ZNF804B: variants seen among roughly 807,000 people sequenced by gnomAD.
ZNF804B encodes the protein zinc finger 804B.
In ZNF804B, 80 loss-of-function variants were observed where a neutral mutation model predicts 101.4. The ratio of observed to expected loss-of-function variants is 0.79; its 90% CI spans 0.66 to 0.95. The LOEUF (loss-of-function observed/expected upper bound fraction) is 0.95. ZNF804B is among the 40% of genes least tolerant of loss of function. ZNF804B has a pLI of 0.00. For missense variants in ZNF804B, 1,673 were observed against 1,561.9 expected, an observed-to-expected ratio of 1.07 and a Z score of -1.20; for synonymous variants, 622 against 558.8, an observed-to-expected ratio of 1.11 and a Z score of -1.59.
chr7:89,224,253 A>G (rs1317875507), intron 2 of ZNF804B, among the ~76,000 whole-genome samples: 1 of 151,910 alleles, frequency 6.6e-6, no homozygotes, highest in Non-Finnish European at 1.5e-5. Flanking sequence ...TCTAATCTCC[A>G]TTTGCTTCAC....
chr7:88,860,685 G>C (rs1791631862), intron 1 of ZNF804B, among the ~76,000 whole-genome samples: 1 of 152,118 alleles, frequency 6.6e-6, no homozygotes, highest in South Asian at 2.1e-4. Flanking sequence ...AAATGAGGCA[G>C]AGGAAGAAAA....
chr7:88,915,347 T>C (rs1264031463), intron 1 of ZNF804B, among the ~76,000 whole-genome samples: 5 of 152,026 alleles, frequency 3.3e-5, no homozygotes, highest in African/African-American at 7.2e-5. Flanking sequence ...ACAGAATCAG[T>C]GACATATTAA....
At chr7:88,854,406 T>TCTTTCTTCCTTTCTTTCTTTCTTC in intron 1 of ZNF804B, among the ~76,000 whole-genome samples, 1 of 126,746 alleles carries the variant, frequency 7.9e-6, no homozygotes, top group East Asian at 2.4e-4. Flanking sequence ...TTTCTTTCTT[T>TCTTTCTTCCTTTCTTTCTTTCTTC]CTTTCTTCCT....
chr7:89,068,753 T>A (rs1045326953), intron 1 of ZNF804B, among the ~76,000 whole-genome samples: 3 of 152,220 alleles, frequency 2.0e-5, no homozygotes, highest in African/African-American at 7.2e-5. Context: ...ATGAATAGAT[T>A]AATTTGAAAG....
intron 1 of ZNF804B, among the ~76,000 whole-genome samples, chr7:88,937,115 C>CAAAAAA (rs3034325): frequency 0.065 from 7,191 of 110,106 alleles, 299 homozygotes; most frequent in East Asian, 0.17. Context: ...ATGAGAATAG[C>CAAAAAA]AAAAAAAAAA....
At chr7:89,267,284 T>C (rs1357042120) in intron 2 of ZNF804B, among the ~76,000 whole-genome samples, 1 of 152,194 alleles carries the variant, frequency 6.6e-6, no homozygotes, top group Non-Finnish European at 1.5e-5. Flanking sequence ...TCCATTGTAA[T>C]TTCTCTGTTT....
chr7:88,967,778 G>A (rs1481944470), intron 1 of ZNF804B, among the ~76,000 whole-genome samples: 2 of 148,608 alleles, frequency 1.3e-5, no homozygotes, highest in East Asian at 2.0e-4. Context: ...ACTTTAACAC[G>A]AGAAAATTTA....
intron 1 of ZNF804B, among the ~76,000 whole-genome samples, chr7:88,809,339 CTATCTATCT>C (rs947926183): frequency 2.0e-5 from 3 of 147,590 alleles, no homozygotes; most frequent in African/African-American, 7.4e-5. Flanking sequence ...ATCTATCTAT[CTATCTATCT>C]ATCTATCTAC....
At chr7:89,189,530 A>G (rs932277008) in intron 1 of ZNF804B, among the ~76,000 whole-genome samples, 7 of 152,168 alleles carry the variant, frequency 4.6e-5, no homozygotes, top group African/African-American at 1.7e-4. Flanking sequence ...GCTGATACAA[A>G]GTTATTTTTT....
intron 2 of ZNF804B, among the ~76,000 whole-genome samples, chr7:89,298,999 A>G (rs1364597469): frequency 6.6e-6 from 1 of 151,988 alleles, no homozygotes; most frequent in Non-Finnish European, 1.5e-5. Flanking sequence ...GGAGACCTTT[A>G]TGGCCCATTT....
At chr7:89,102,721 T>C (rs1417493656) in intron 1 of ZNF804B, among the ~76,000 whole-genome samples, 2 of 151,998 alleles carry the variant, frequency 1.3e-5, no homozygotes, top group African/African-American at 4.8e-5. Context: ...TAGTTAGATT[T>C]GCTTTTGGAG....
At chr7:89,054,408 G>T (rs1030884641) in intron 1 of ZNF804B, among the ~76,000 whole-genome samples, 3 of 150,986 alleles carry the variant, frequency 2.0e-5, no homozygotes, top group Non-Finnish European at 3.0e-5. Context: ...TCAGAGTCGT[G>T]CCTGGGATAG....
intron 1 of ZNF804B, among the ~76,000 whole-genome samples, chr7:89,085,229 A>C (rs562939913): frequency 6.6e-6 from 1 of 151,950 alleles, no homozygotes; most frequent in African/African-American, 2.4e-5. Flanking sequence ...GAGATTTTCT[A>C]CTTTCTTCCC....
rs1788964391 is a variant in ZNF804B at position 89,219,980 on chromosome 7, C to CATATGTGTGCATATATATGTATATACAT, written c.249+1701_249+1702insATGTATATACATATATGTGTGCATATAT. Among the ~76,000 whole-genome samples, 2 of 25,228 alleles carry CATATGTGTGCATATATATGTATATACAT rather than the reference C, an allele frequency of 7.9e-5. 1 individual carries two copies. The highest frequency in any genetic ancestry group is 1.4e-4 in the Non-Finnish European group (2 of 13,866). The allele number at this position is 25,228 out of a possible 152,430, so 16.6% of individuals were successfully genotyped here. On this transcript the variant is annotated intron_variant, in intron 2 of 3. Transcript: ENST00000333190. ...ATATGTGTGCATATATATGTATATA[C>CATATGTGTGCATATATATGTATATACAT]ATATGTGTGCATATATGTATATGCA...
chr7:89,198,815 GAC>G (rs138690633), intron 1 of ZNF804B, among the ~76,000 whole-genome samples: 18,689 of 151,836 alleles, frequency 0.12, 1,437 homozygotes, highest in Non-Finnish European at 0.18. Flanking sequence ...AAATCCAAAA[GAC>G]ACAGTAGCAA....
At chr7:88,935,395 C>A (rs547309994) in intron 1 of ZNF804B, among the ~76,000 whole-genome samples, 1 of 149,788 alleles carries the variant, frequency 6.7e-6, no homozygotes, top group Non-Finnish European at 1.5e-5. Flanking sequence ...AAGAATACAC[C>A]TTTTCTGGCC....
intron 1 of ZNF804B, among the ~76,000 whole-genome samples, chr7:89,209,215 C>G (rs1788766087): frequency 7.3e-6 from 1 of 136,558 alleles, no homozygotes; most frequent in African/African-American, 2.8e-5. Context: ...GCTGAGTTGT[C>G]CCTAGGGAAC....
chr7:89,193,287 T>C (rs1212892549), intron 1 of ZNF804B, among the ~76,000 whole-genome samples: 1 of 146,876 alleles, frequency 6.8e-6, no homozygotes, highest in African/African-American at 2.5e-5. Flanking sequence ...TTTTTTTTTA[T>C]AGTCTACTTT....
intron 1 of ZNF804B, among the ~76,000 whole-genome samples, chr7:89,058,149 A>G (rs558686119): frequency 1.3e-5 from 2 of 152,248 alleles, no homozygotes; most frequent in African/African-American, 4.8e-5. Context: ...GACTGTTAGT[A>G]AGATGTTTTC....
Sources: allele counts gnomAD v4.1 joint callset (sites outside exome capture counted in the v4.1 genomes callset), GRCh38; gene constraint gnomAD v4.1.1; transcripts MANE v1.5; gene names NCBI Gene and HGNC (gene_info 2026-07-23, HGNC 2026-07-21).